The following RP1 variants were observed in gnomAD, a reference collection of about 807,000 sequenced individuals.
RP1 encodes the protein RP1 axonemal microtubule associated.
RP1 carries 16 observed loss-of-function variants against 14.8 expected under a neutral mutation model. The ratio of observed to expected loss-of-function variants is 1.08; its 90% CI spans 0.73 to 1.65. RP1 has a LOEUF of 1.65. Among genes scored for constraint, RP1 ranks in the 40% most tolerant of loss-of-function variants. The pLI is 0.00. For synonymous variants in RP1, 876 were observed against 883.6 expected (o/e 0.99, Z 0.15); for missense variants, 2,631 against 2,535.0 (o/e 1.04, Z -0.81).
chr8:54,760,778 T>C (rs1809619499), intron 22 of RP1, among the ~76,000 whole-genome samples: 1 of 152,208 alleles, frequency 6.6e-6, no homozygotes, highest in African/African-American at 2.4e-5. Context: ...AGAGGACCTT[T>C]CCTTGCTCTC....
At chr8:54,652,625 T>C (rs1806678083) in intron 4 of RP1, among the ~76,000 whole-genome samples, 2 of 152,192 alleles carry the variant, frequency 1.3e-5, no homozygotes, top group South Asian at 4.1e-4. Flanking sequence ...GCTTATTATA[T>C]TTTAGTACTC....
intron 3 of RP1, among the ~76,000 whole-genome samples, chr8:54,647,216 G>A (rs1324392842): frequency 6.6e-6 from 1 of 151,992 alleles, no homozygotes; most frequent in African/African-American, 2.4e-5. Flanking sequence ...AGGAGTTTGA[G>A]ACCAGCCTGA....
At chr8:54,567,295 G>A (rs1393415240) in intron 1 of RP1, among the ~76,000 whole-genome samples, 3 of 152,088 alleles carry the variant, frequency 2.0e-5, no homozygotes, top group African/African-American at 7.2e-5. Flanking sequence ...ATTATATTCT[G>A]GTAAATGGGC....
At chr8:54,740,403 T>TAAAAAAAAAAAAAAAAAAAA (rs34753388) in intron 19 of RP1, among the ~76,000 whole-genome samples, 4 of 80,242 alleles carry the variant, frequency 5.0e-5, no homozygotes, top group African/African-American at 1.8e-4. Context: ...GCTTAAAAAG[T>TAAAAAAAAAAAAAAAAAAAA]AAAAAAAAAA....
intron 25 of RP1, among the ~76,000 whole-genome samples, chr8:54,850,981 A>G (rs1812047390): frequency 6.6e-6 from 1 of 152,204 alleles, no homozygotes; most frequent in Non-Finnish European, 1.5e-5. Flanking sequence ...CTCAACTATG[A>G]TAACCACCTT....
chr8:54,564,787 T>A (rs1002966574), intron 1 of RP1, among the ~76,000 whole-genome samples: 1 of 152,182 alleles, frequency 6.6e-6, no homozygotes. Context: ...AATTTCCTAG[T>A]CCAGTCTCTT....
intron 24 of RP1, among the ~76,000 whole-genome samples, chr8:54,790,380 T>C (rs912960393): frequency 1.3e-5 from 2 of 152,182 alleles, no homozygotes; most frequent in Admixed American, 6.5e-5. Context: ...CTGGAATACC[T>C]GATTGCTTCC....
At chr8:54,727,166 G>A in intron 17 of RP1, among the ~76,000 whole-genome samples, 1 of 152,090 alleles carries the variant, frequency 6.6e-6, no homozygotes, top group East Asian at 1.9e-4. Flanking sequence ...CTTTTAGATA[G>A]TAATATAATA....
intron 25 of RP1, among the ~76,000 whole-genome samples, chr8:54,848,211 C>T (rs1461948184): frequency 6.6e-6 from 1 of 152,152 alleles, no homozygotes; most frequent in Non-Finnish European, 1.5e-5. Flanking sequence ...GAGTGAGGAG[C>T]TGAGGCAGCA....
Position 54,624,824 on chromosome 8 carries a change from T to A in RP1, c.942T>A (p.Pro314=), listed in dbSNP as rs1195448470. ...ATTCTCAGAATTTACCAATATATCC[T>A]TCTGAAGATGATATTGAGAAATCAA... The part of the protein sequence containing the change: ...KNDSQNLPIY[P]SEDDIEKSII... The change falls in exon 4 of 4, where the codon CCT becomes CCA. Residue 314 remains proline (P), a synonymous_variant. Transcript: ENST00000220676. 3 of 1,613,824 alleles carry A rather than the reference T, an allele frequency of 1.9e-6. 1 individual carries two copies. In the South Asian group the frequency reaches 3.3e-5, roughly 18 times the overall value.
intron 17 of RP1, among the ~76,000 whole-genome samples, chr8:54,734,075 A>AT (rs1461083867): frequency 1.3e-5 from 2 of 152,004 alleles, no homozygotes; most frequent in South Asian, 2.1e-4. Flanking sequence ...GTATTTTTTA[A>AT]TTTTTTCAGA....
intron 27 of RP1, among the ~76,000 whole-genome samples, chr8:54,857,377 T>C (rs1812229875): frequency 6.8e-6 from 1 of 148,106 alleles, no homozygotes; most frequent in African/African-American, 2.5e-5. Flanking sequence ...ATATATTTAA[T>C]GTAAATATTT....
chr8:54,739,066 C>A, intron 19 of RP1: 2 of 1,430,328 alleles, frequency 1.4e-6, no homozygotes, highest in East Asian at 2.5e-5. Context: ...CATAGTTATT[C>A]TCTGATGAAA....
exon 13 of RP1, chr8:54,699,473 T>C: frequency 7.3e-7 from 1 of 1,366,228 alleles, no homozygotes; most frequent in Non-Finnish European, 9.6e-7. Context: ...CCAGGTGTCT[T>C]TGATGTTATT....
downstream of RP1, among the ~76,000 whole-genome samples, chr8:54,771,447 A>T (rs1809904841): frequency 1.3e-5 from 2 of 152,106 alleles, no homozygotes; most frequent in Admixed American, 6.5e-5. Context: ...TGTAATCAAC[A>T]TCAGTGATGT....
At chr8:54,841,945 A>G (rs1257544845) in intron 25 of RP1, among the ~76,000 whole-genome samples, 2 of 152,208 alleles carry the variant, frequency 1.3e-5, no homozygotes, top group African/African-American at 4.8e-5. Flanking sequence ...TCAAGAAATA[A>G]CCATCTGAGA....
At chr8:54,838,510 T>C (rs112089895) in intron 25 of RP1, among the ~76,000 whole-genome samples, 6,123 of 152,286 alleles carry the variant, frequency 0.04, 161 homozygotes, top group African/African-American at 0.068. Context: ...TGAATGCTTA[T>C]ATATGTATGT....
chr8:54,633,749 A>G (rs1001824718), downstream of RP1, among the ~76,000 whole-genome samples: 2 of 147,038 alleles, frequency 1.4e-5, no homozygotes, highest in Non-Finnish European at 3.0e-5. Context: ...ATATATATAT[A>G]TATATATATA....
chr8:54,790,279 C>T (rs1444999574), intron 24 of RP1, among the ~76,000 whole-genome samples: 2 of 152,176 alleles, frequency 1.3e-5, no homozygotes, highest in African/African-American at 2.4e-5. Flanking sequence ...AAAGCATAAC[C>T]TACCTGTGAA....
Sources: allele counts gnomAD v4.1 joint callset (sites outside exome capture counted in the v4.1 genomes callset), GRCh38; gene constraint gnomAD v4.1.1; transcripts MANE v1.5; gene names NCBI Gene and HGNC (gene_info 2026-07-23, HGNC 2026-07-21).